Variants in ZNF800 observed in about 807,000 individuals in gnomAD.
ZNF800 encodes zinc finger protein 800.
In ZNF800, 13 loss-of-function variants were observed where a neutral mutation model predicts 59.5. The observed-to-expected ratio is 0.22, with a 90% confidence interval of 0.14 to 0.35. ZNF800 has a LOEUF of 0.35. Ranked by LOEUF, ZNF800 falls within the 10% of genes least tolerant of loss-of-function variation. The probability of loss-of-function intolerance (pLI) is 1.00; values close to 1 mark genes in which losing one functional copy is unlikely to be tolerated. For synonymous variants in ZNF800, 266 were observed against 265.7 expected (o/e 1.00, Z -0.01); for missense variants, 621 against 783.7 (o/e 0.79, Z 2.48).
Position 127,392,107 on chromosome 7 carries a change from G to C in ZNF800, c.-106C>G. On this transcript the variant is annotated 5_prime_UTR_variant, in exon 1 of 6. Coordinates refer to ENST00000265827, the MANE Select transcript of ZNF800 (RefSeq NM_176814.5). ...GGGCGGGCGGAAGGAAGGAAGGCAG[G>C]CCGGGCGGCCGCGGGGACAGCCTGG... is the stretch of plus-strand genomic sequence containing the variant. 1 of 393,130 alleles carries C rather than the reference G, an allele frequency of 2.5e-6. No homozygotes were observed. The highest frequency in any genetic ancestry group is 4.5e-6 in the Non-Finnish European group (1 of 222,612). The allele number at this position is 393,130 out of a possible 1,614,324, so 24.4% of individuals were successfully genotyped here.
Position 127,374,892 on chromosome 7 carries a change from C to A in ZNF800, c.444G>T (p.Ser148=), listed in dbSNP as rs185441151. ...TGACTTCAATAGGATTATCAGTCCT[C>A]GAAATATATTGAAATACTGCATTTT... ...TNQNAVFQYI[S]RTDNPIEVTE... is the part of the protein sequence containing the mutation. The change falls in exon 5 of 6, where the codon TCG becomes TCT. Residue 148 remains serine (S), a synonymous_variant. Coordinates refer to ENST00000265827, the MANE Select transcript of ZNF800 (RefSeq NM_176814.5). 8.7e-6 allele frequency: 14 copies of A among 1,613,860 alleles called. No individual in the cohort carries two copies. In the East Asian group the frequency reaches 2.9e-4, roughly 33 times the overall value.
At chr7:127,384,746 TTC>T (rs1170848447) in intron 3 of ZNF800, among the ~76,000 whole-genome samples, 10 of 152,312 alleles carry the variant, frequency 6.6e-5, no homozygotes, top group Admixed American at 1.3e-4. Flanking sequence ...ACACTATTTT[TTC>T]TGTTATGCCA....
chr7:127,357,924 T>A (rs1232687522), intron 1 of ZNF800, among the ~76,000 whole-genome samples: 3 of 151,964 alleles, frequency 2.0e-5, no homozygotes, highest in African/African-American at 7.2e-5. Context: ...GTAGGTATTA[T>A]CCTAAATTAC....
chr7:127,367,924 C>T (rs17867838), downstream of ZNF800, among the ~76,000 whole-genome samples: 6,735 of 152,114 alleles, frequency 0.044, 209 homozygotes, highest in South Asian at 0.075. Context: ...CAAACAGATG[C>T]ACCTATGGTA....
At position 127,392,175 on chromosome 7, in the gene ZNF800, G is replaced by T; in HGVS notation, c.-174C>A. ...GGCCCCACCTGGCGCAGCCTCCGCTGACCACGCGGGGGAACCCGGACTCGG... is the reference window on the plus strand; with the variant it reads ...GGCCCCACCTGGCGCAGCCTCCGCTTACCACGCGGGGGAACCCGGACTCGG... On this transcript the variant is annotated 5_prime_UTR_variant, in exon 1 of 6. Transcript: ENST00000265827. 2.5e-6 allele frequency: 1 copy of T among 394,952 alleles called. No individual in the cohort carries two copies. The highest frequency in any genetic ancestry group is 4.5e-6 in the Non-Finnish European group (1 of 223,614). 24.5% of individuals were successfully genotyped at this position (394,952 alleles called of 1,614,324 possible). A position where few individuals can be genotyped will look rare whatever the true frequency, so the allele number is the denominator to read the frequency against.
At chr7:127,344,672 A>T (rs972917215), downstream of ZNF800, among the ~76,000 whole-genome samples, 1 of 152,150 alleles carries the variant, frequency 6.6e-6, no homozygotes, top group Non-Finnish European at 1.5e-5. Flanking sequence ...TAGAGGATAT[A>T]AAAAAATTAA....
In ZNF800 at chr7:127,374,072, A is replaced by G; in HGVS notation, c.1264T>C (p.Ser422Pro). 2 of 1,614,022 alleles carry G rather than the reference A, an allele frequency of 1.2e-6. No homozygotes were observed. The highest frequency in any genetic ancestry group is 2.2e-5 in the South Asian group (2 of 91,076). The change falls in exon 5 of 6, where the codon TCC (serine) becomes CCC (proline). Residue 422 changes from serine to proline, a missense_variant. This residue lies in a region of ZNF800 where 185 missense variants were observed against 177.6 expected (regional missense o/e 1.04). Transcript: ENST00000265827. ...PADSVESSPP[S>P]ITHSPQNELK... ...TCATTCTGTGGAGAATGGGTAATGG[A>G]AGGGGGTGAAGATTCTACAGAATCT...
intron 4 of ZNF800, 54 bp from the exon 5 acceptor site, chr7:127,375,088 T>TC: frequency 7.1e-7 from 1 of 1,402,418 alleles, no homozygotes; most frequent in Non-Finnish European, 9.5e-7. Context: ...GCTGTAGCCC[T>TC]CTAATATTTT....
chr7:127,363,566 T>C (rs1029679068), intron 1 of ZNF800: 5 of 150,830 alleles, frequency 3.3e-5, no homozygotes, highest in African/African-American at 7.3e-5. Context: ...GAGATAGAAA[T>C]AGATTATTTC....
downstream of ZNF800, among the ~76,000 whole-genome samples, chr7:127,366,606 T>A (rs1268221802): frequency 6.6e-6 from 1 of 152,170 alleles, no homozygotes; most frequent in Non-Finnish European, 1.5e-5. Context: ...GACCTAACAG[T>A]CAAGATCACA....
intron 1 of ZNF800, chr7:127,362,013 G>A (rs1028068266): frequency 6.6e-6 from 1 of 152,116 alleles, no homozygotes; most frequent in African/African-American, 2.4e-5. Flanking sequence ...AAGCTACATA[G>A]TGAAGGCCCT....
chr7:127,364,507 G>A (rs930008182), intron 1 of ZNF800: 5 of 152,118 alleles, frequency 3.3e-5, no homozygotes, highest in South Asian at 2.1e-4. Context: ...TACTAAAACA[G>A]GGTAGTATGA....
At chr7:127,350,018 A>T (rs575307023) in intron 1 of ZNF800, 12 of 152,318 alleles carry the variant, frequency 7.9e-5, no homozygotes, top group Middle Eastern at 6.8e-3. Context: ...AATTACCTTC[A>T]GATTACTCAG....
chr7:127,357,760 T>C (rs1800302202), intron 1 of ZNF800, among the ~76,000 whole-genome samples: 1 of 152,054 alleles, frequency 6.6e-6, no homozygotes, highest in African/African-American at 2.4e-5. Context: ...TATTGCCTAA[T>C]ACTATTACAA....
At position 127,374,295 on chromosome 7, in the gene ZNF800, C is replaced by T; in HGVS notation, c.1041G>A (p.Lys347=). ...AATTGTATTCAGCCTTTGAAGAAGA[C>T]TTTTGTTTTCGAGTCTTAAAAGATT... is the stretch of plus-strand genomic sequence containing the variant. ...PKKSFKTRKQ[K]SSSKAEYNLT... is the part of the protein sequence containing the mutation. The change falls in exon 5 of 6, where the codon AAG becomes AAA. Residue 347 remains lysine, a synonymous_variant. Coordinates refer to ENST00000265827, the MANE Select transcript of ZNF800 (RefSeq NM_176814.5). The T allele has an allele frequency of 6.2e-7, 1 of 1,613,224 alleles. No individual in the cohort carries two copies. Among genetic ancestry groups the T allele is most frequent in the Non-Finnish European group, 8.5e-7 (1 of 1,179,788 alleles).
In ZNF800 at chr7:127,392,043, A is replaced by C. The variant is rs1273638817; in HGVS notation, c.-59+17T>G. On this transcript the variant is annotated intron_variant, in intron 1 of 5. Transcript: ENST00000265827. ...TGGCGGAGACCCCGTCCCCACAACC[A>C]AGTGCGCCCAACTTACTCAACTCTT... 1.0e-5 allele frequency: 4 copies of C among 387,242 alleles called. No homozygotes were observed. The highest frequency in any genetic ancestry group is 1.8e-5 in the Non-Finnish European group (4 of 219,156). The allele number at this position is 387,242 out of a possible 1,614,324, so 24.0% of individuals were successfully genotyped here. A position where few individuals can be genotyped will look rare whatever the true frequency, so the allele number is the denominator to read the frequency against.
At chr7:127,351,267 C>G (rs935930316) in intron 1 of ZNF800, 35 of 152,268 alleles carry the variant, frequency 2.3e-4, no homozygotes, top group African/African-American at 8.4e-4. Context: ...TCCCTGCTCT[C>G]ATCTATTCAA....
At chr7:127,391,950 G>A (rs1801336778) in intron 1 of ZNF800, 110 bp downstream of exon 1, 2 of 375,294 alleles carry the variant, frequency 5.3e-6, no homozygotes, top group Non-Finnish European at 9.4e-6. Context: ...GGACTACGGA[G>A]GTGCCGCTCC....
At chr7:127,388,225 A>T (rs1299733415) in intron 2 of ZNF800, among the ~76,000 whole-genome samples, 1 of 152,220 alleles carries the variant, frequency 6.6e-6, no homozygotes, top group Non-Finnish European at 1.5e-5. Flanking sequence ...TTCTACCATC[A>T]CTATCATCAA....
Sources: allele counts gnomAD v4.1 joint callset (sites outside exome capture counted in the v4.1 genomes callset), GRCh38; gene constraint gnomAD v4.1.1; regional missense constraint gnomAD v4.1.1; transcripts MANE v1.5; gene names NCBI Gene and HGNC (gene_info 2026-07-23, HGNC 2026-07-21).